ZNF19: variants seen among roughly 807,000 people sequenced by gnomAD.
ZNF19 encodes zinc finger protein 19 (KOX 12).
In ZNF19, 11 loss-of-function variants were observed where a neutral mutation model predicts 13.1. The ratio of observed to expected loss-of-function variants is 0.84; its 90% CI spans 0.53 to 1.39. The LOEUF (loss-of-function observed/expected upper bound fraction) is 1.39, where lower values mean the gene tolerates loss of function less well. Ranked by LOEUF, ZNF19 falls within the 40% of genes most tolerant of loss-of-function variation. The probability of loss-of-function intolerance (pLI) is 0.00; values close to 1 mark genes in which losing one functional copy is unlikely to be tolerated. For missense variants in ZNF19, 560 were observed against 547.0 expected (o/e 1.02, Z -0.24); for synonymous variants, 186 against 187.0 (o/e 0.99, Z 0.04).
chr16:71,478,756 A>C (rs1393828405), intron 4 of ZNF19, 123 bp downstream of exon 4: 1 of 1,346,504 alleles, frequency 7.4e-7, no homozygotes, highest in Non-Finnish European at 1.0e-6. Context: ...CTCTGCAGTC[A>C]CTCAGTGGAG....
chr16:71,486,857 C>T (rs2043681847), intron 1 of ZNF19, among the ~76,000 whole-genome samples: 1 of 151,998 alleles, frequency 6.6e-6, no homozygotes, highest in African/African-American at 2.4e-5. Flanking sequence ...TTAATTTTAT[C>T]GGTTTTTAGA....
intron 3 of ZNF19, among the ~76,000 whole-genome samples, chr16:71,480,811 C>A (rs1253427882): frequency 6.6e-6 from 1 of 152,188 alleles, no homozygotes; most frequent in Non-Finnish European, 1.5e-5. Flanking sequence ...TAGGCAAATT[C>A]TTGGGCCCCA....
chr16:71,488,808 CA>C (rs2043700077), intron 1 of ZNF19, among the ~76,000 whole-genome samples: 1 of 152,144 alleles, frequency 6.6e-6, no homozygotes, highest in Non-Finnish European at 1.5e-5. Flanking sequence ...TCAAAAAAAC[CA>C]AAACAAACTA....
At chr16:71,478,056 C>T (rs1428065747) in intron 5 of ZNF19, 172 bp downstream of exon 5, 4 of 582,992 alleles carry the variant, frequency 6.9e-6, no homozygotes, top group East Asian at 2.9e-5. Flanking sequence ...GCAGATGAGA[C>T]GTACTGAGTG....
chr16:71,488,992 C>T (rs1465309873), intron 1 of ZNF19: 3 of 153,224 alleles, frequency 2.0e-5, no homozygotes, highest in Non-Finnish European at 4.4e-5. Context: ...CAGCTGGAGT[C>T]CTTGCCTCTC....
chr16:71,481,768 T>G (rs1191431877), intron 3 of ZNF19, among the ~76,000 whole-genome samples: 1 of 152,150 alleles, frequency 6.6e-6, no homozygotes, highest in African/African-American at 2.4e-5. Context: ...CTATCCTGGA[T>G]CCCTACATCA....
intron 3 of ZNF19, among the ~76,000 whole-genome samples, chr16:71,481,388 T>A (rs1264192737): frequency 6.6e-6 from 1 of 152,158 alleles, no homozygotes; most frequent in East Asian, 1.9e-4. Flanking sequence ...AAAAGTGAAA[T>A]GTAATTCAAG....
rs936696543 is a variant in ZNF19 at position 71,484,564 on chromosome 16, C to T, written c.-30+25G>A. 1.1e-5 allele frequency: 11 copies of T among 985,294 alleles called. No individual in the cohort carries two copies. In the African/African-American group the frequency reaches 1.6e-4, roughly 14 times the overall value. 61.0% of individuals were successfully genotyped at this position (985,294 alleles called of 1,614,324 possible). A position where few individuals can be genotyped will look rare whatever the true frequency, so the allele number is the denominator to read the frequency against. On this transcript the variant is annotated intron_variant, in intron 2 of 5. Coordinates refer to ENST00000288177, the MANE Select transcript of ZNF19 (RefSeq NM_006961.4). ...CAGTGCCTGAGCCTAGCAAGGACTC[C>T]TAGGCGACAAACCCCAACACTCACC...
intron 2 of ZNF19, 58 bp from the exon 3 acceptor site, chr16:71,482,201 T>TAAAG: frequency 6.5e-7 from 1 of 1,539,208 alleles, no homozygotes; most frequent in Non-Finnish European, 8.9e-7. Flanking sequence ...ATGCTCTCTT[T>TAAAG]AGAGCAATAA....
At position 71,475,074 on chromosome 16, in the gene ZNF19, G is replaced by A; in HGVS notation, c.*96C>T. 2.2e-6 allele frequency: 3 copies of A among 1,373,454 alleles called. No homozygotes were observed. Among genetic ancestry groups the A allele is most frequent in the Non-Finnish European group, 2.9e-6 (3 of 1,026,656 alleles). The allele number at this position is 1,373,454 out of a possible 1,614,324, so 85.1% of individuals were successfully genotyped here. On this transcript the variant is annotated 3_prime_UTR_variant, in exon 6 of 6. Transcript: ENST00000288177. ...ACATCTGAATCATTAACTGTGGCTT[G>A]AGGGATGGATCAGAGGCTGAGTCAG... is the stretch of plus-strand genomic sequence containing the variant.
intron 4 of ZNF19, 186 bp from the exon 5 acceptor site, chr16:71,478,527 A>G: frequency 1.4e-6 from 1 of 701,854 alleles, no homozygotes; most frequent in Non-Finnish European, 2.6e-6. Flanking sequence ...ACACTCAAGG[A>G]TAAGTAAGTC....
intron 4 of ZNF19, chr16:71,478,548 A>C (rs1597013922): frequency 4.3e-6 from 3 of 694,972 alleles, no homozygotes; most frequent in Non-Finnish European, 7.9e-6. Flanking sequence ...AGTGAGATCC[A>C]CAAGGCATGA....
Position 71,478,391 on chromosome 16 carries a change from A to G in ZNF19, c.161-50T>C, listed in dbSNP as rs781710352. The stretch of plus-strand genomic sequence containing the variant: ...TTTTCAGCCCTGTATCTGCTGTGTC[A>G]AAAGAAGGAAAACCCCAGGAGTCTC... On this transcript the variant is annotated intron_variant, in intron 4 of 5. Transcript: ENST00000288177. The G allele has an allele frequency of 2.2e-6, 3 of 1,355,530 alleles. No individual in the cohort carries two copies. The South Asian group carries it at 3.6e-5, about 16-fold the overall frequency. The allele number at this position is 1,355,530 out of a possible 1,614,324, so 84.0% of individuals were successfully genotyped here.
chr16:71,481,305 G>A (rs943946834), intron 3 of ZNF19, among the ~76,000 whole-genome samples: 18 of 152,168 alleles, frequency 1.2e-4, no homozygotes, highest in Non-Finnish European at 2.6e-4. Flanking sequence ...TTGGGATATG[G>A]TTCATGGATA....
At chr16:71,478,120 T>C (rs1176184234) in intron 5 of ZNF19, 108 bp downstream of exon 5, 10 of 710,622 alleles carry the variant, frequency 1.4e-5, no homozygotes, top group Non-Finnish European at 2.2e-5. Context: ...ATTTTACCTA[T>C]TAGGTGAAAT....
At chr16:71,483,016 C>G (rs1052887028) in intron 2 of ZNF19, among the ~76,000 whole-genome samples, 2 of 152,212 alleles carry the variant, frequency 1.3e-5, no homozygotes, top group African/African-American at 4.8e-5. Context: ...AATAACTACA[C>G]TAAATTCTTT....
intron 3 of ZNF19, among the ~76,000 whole-genome samples, chr16:71,479,314 T>G (rs1176095920): frequency 1.3e-5 from 2 of 152,226 alleles, no homozygotes; most frequent in Non-Finnish European, 2.9e-5. Context: ...AAAATCTCTT[T>G]GATTTAGTAA....
At chr16:71,484,017 C>G (rs1490818380) in intron 2 of ZNF19, among the ~76,000 whole-genome samples, 1 of 152,212 alleles carries the variant, frequency 6.6e-6, no homozygotes, top group Non-Finnish European at 1.5e-5. Flanking sequence ...AGTGAAGGAT[C>G]AAGAACACTG....
intron 2 of ZNF19, 110 bp from the exon 3 acceptor site, chr16:71,482,253 T>C: frequency 2.2e-6 from 2 of 903,238 alleles, no homozygotes; most frequent in Non-Finnish European, 3.5e-6. Context: ...AAATGCTCAC[T>C]GGGTTAGTGG....
Sources: gnomAD v4.1 joint callset for allele counts (sites outside exome capture counted in the v4.1 genomes callset) on GRCh38, gnomAD v4.1.1 for gene constraint, MANE v1.5 for transcripts, NCBI Gene and HGNC (gene_info 2026-07-23, HGNC 2026-07-21) for gene names.